PVALEF: variants seen among roughly 807,000 people sequenced by gnomAD.
PVALEF encodes the protein parvalbumin like EF-hand containing, also known as parvalbumin-like EF-hand-containing protein.
PVALEF carries 2 observed loss-of-function variants against 1.2 expected under a neutral mutation model. The ratio of observed to expected loss-of-function variants is 1.68; its 90% CI spans 0.69 to 5.28. The LOEUF is 5.28. Ranked by LOEUF, PVALEF falls within the 30% of genes most tolerant of loss-of-function variation. The probability of loss-of-function intolerance (pLI) is 0.06; values close to 1 mark genes in which losing one functional copy is unlikely to be tolerated. For synonymous variants in PVALEF, 16 were observed against 6.5 expected, an observed-to-expected ratio of 2.47 and a Z score of -2.24; for missense variants, 35 against 17.7, an observed-to-expected ratio of 1.97 and a Z score of -1.75.
At chr17:81,166,051 C>T (rs2061487063) in intron 1 of PVALEF, 3 of 1,244,766 alleles carry the variant, frequency 2.4e-6, no homozygotes, top group South Asian at 2.5e-5. Flanking sequence ...ACGCCCGCGG[C>T]CCCGGCCCGA....
chr17:81,181,847 G>C, intron 5 of PVALEF, 119 bp from the exon 6 acceptor site: 1 of 397,992 alleles, frequency 2.5e-6, no homozygotes, highest in East Asian at 3.6e-5. Context: ...AGGAGGCTCA[G>C]AGGCCCAGGC....
chr17:81,178,177 C>T (rs2061541675), intron 2 of PVALEF, among the ~76,000 whole-genome samples: 1 of 152,218 alleles, frequency 6.6e-6, no homozygotes, highest in Non-Finnish European at 1.5e-5. Context: ...TGTCACATAT[C>T]ATGACCGTCA....
intron 1 of PVALEF, 126 bp from the exon 2 acceptor site, chr17:81,166,551 C>T: frequency 1.0e-5 from 2 of 196,124 alleles, no homozygotes; most frequent in South Asian, 2.7e-5. Context: ...TGAGTGGGTA[C>T]GGAGGGAACG....
chr17:81,181,456 G>A (rs547889989), intron 4 of PVALEF, 103 bp from the exon 5 acceptor site: 31 of 515,614 alleles, frequency 6.0e-5, no homozygotes, highest in Admixed American at 1.5e-4. Flanking sequence ...GCGGGGACAT[G>A]GGGGTGCAGG....
chr17:81,180,107 T>C (rs1362425413), intron 3 of PVALEF, among the ~76,000 whole-genome samples: 1 of 152,134 alleles, frequency 6.6e-6, no homozygotes, highest in Non-Finnish European at 1.5e-5. Context: ...CCTCCCACCC[T>C]GTCTCCAGCC....
At chr17:81,176,680 G>A (rs1437480771) in intron 2 of PVALEF, among the ~76,000 whole-genome samples, 2 of 151,726 alleles carry the variant, frequency 1.3e-5, no homozygotes, top group Non-Finnish European at 2.9e-5. Flanking sequence ...AAACAGTGCA[G>A]CTGCCGTGGA....
intron 2 of PVALEF, among the ~76,000 whole-genome samples, chr17:81,169,654 G>A (rs1305974729): frequency 6.6e-6 from 1 of 152,130 alleles, no homozygotes; most frequent in Non-Finnish European, 1.5e-5. Flanking sequence ...GCCTCTTCCG[G>A]CTACTGGTGG....
chr17:81,178,086 T>C (rs2146449054), intron 2 of PVALEF, among the ~76,000 whole-genome samples: 1 of 152,284 alleles, frequency 6.6e-6, no homozygotes, highest in South Asian at 2.1e-4. Context: ...AGGAGGATAA[T>C]GCAGCCTCCC....
At chr17:81,175,652 T>C (rs1208364625) in intron 2 of PVALEF, among the ~76,000 whole-genome samples, 1 of 152,190 alleles carries the variant, frequency 6.6e-6, no homozygotes, top group Non-Finnish European at 1.5e-5. Flanking sequence ...GGTCAAACGA[T>C]TGTTGACAAG....
At chr17:81,172,719 G>A (rs922716209) in intron 2 of PVALEF, among the ~76,000 whole-genome samples, 5 of 152,070 alleles carry the variant, frequency 3.3e-5, no homozygotes, top group African/African-American at 4.8e-5. Flanking sequence ...AGCCGAGACC[G>A]CGACACTGCA....
intron 2 of PVALEF, among the ~76,000 whole-genome samples, chr17:81,171,360 G>A (rs539880743): frequency 2.6e-4 from 39 of 152,208 alleles, no homozygotes; most frequent in Non-Finnish European, 4.3e-4. Context: ...GAGATCCCAC[G>A]CCAGGCTCCC....
chr17:81,178,613 C>T (rs2061543143), intron 2 of PVALEF, among the ~76,000 whole-genome samples: 1 of 152,142 alleles, frequency 6.6e-6, no homozygotes, highest in African/African-American at 2.4e-5. Context: ...CCGCAGCACC[C>T]ACTCGGCTGC....
chr17:81,178,127 G>A (rs1338848548), intron 2 of PVALEF, among the ~76,000 whole-genome samples: 3 of 152,144 alleles, frequency 2.0e-5, no homozygotes, highest in Non-Finnish European at 2.9e-5. Flanking sequence ...CTGGGGCCCC[G>A]CCAATGGCAG....
chr17:81,170,176 GGTGT>G (rs759984217), intron 2 of PVALEF, among the ~76,000 whole-genome samples: 5 of 150,290 alleles, frequency 3.3e-5, no homozygotes, highest in African/African-American at 9.8e-5. Flanking sequence ...TGCATGTGTA[GGTGT>G]GTGTGCATGT....
At chr17:81,179,564 C>G (rs2061546747) in intron 3 of PVALEF, among the ~76,000 whole-genome samples, 1 of 152,132 alleles carries the variant, frequency 6.6e-6, no homozygotes, top group African/African-American at 2.4e-5. Flanking sequence ...GGCAGGGCAG[C>G]GAGTCCAAGG....
intron 2 of PVALEF, 32 bp from the exon 3 acceptor site, chr17:81,178,886 G>T (rs922525859): frequency 8.5e-6 from 2 of 235,096 alleles, no homozygotes; most frequent in Admixed American, 1.1e-4. Flanking sequence ...TGGCTCACTG[G>T]TGCCCTCTCT....
At chr17:81,171,444 G>T (rs11651836) in intron 2 of PVALEF, among the ~76,000 whole-genome samples, 35,199 of 152,148 alleles carry the variant, frequency 0.23, 4,503 homozygotes, top group Non-Finnish European at 0.28. Context: ...GCTTCCAGAC[G>T]CTGGTTTCTT....
intron 2 of PVALEF, among the ~76,000 whole-genome samples, chr17:81,172,544 G>A (rs113341262): frequency 0.012 from 1,890 of 152,260 alleles, 35 homozygotes; most frequent in African/African-American, 0.043. Context: ...TTGGGAGGCC[G>A]AGGCAGGAGG....
rs2061560117 is a variant in PVALEF at position 81,183,051 on chromosome 17, G to A, written c.*40G>A. The stretch of plus-strand genomic sequence containing the variant: ...CTGGCCAGCCAAGGGGCTCCCATGG[G>A]GTAACCGGGGTGACCACGCACCTGG... On this transcript the variant is annotated 3_prime_UTR_variant, in exon 7 of 7. Transcript: ENST00000637878. The A allele has an allele frequency of 2.5e-6, 1 of 398,706 alleles. No individual in the cohort carries two copies. Among genetic ancestry groups the A allele is most frequent in the Non-Finnish European group, 4.4e-6 (1 of 226,084 alleles). The allele number at this position is 398,706 out of a possible 1,614,324, so 24.7% of individuals were successfully genotyped here. A position where few individuals can be genotyped will look rare whatever the true frequency, so the allele number is the denominator to read the frequency against.
Sources: allele counts gnomAD v4.1 joint callset (sites outside exome capture counted in the v4.1 genomes callset), GRCh38; gene constraint gnomAD v4.1.1; transcripts MANE v1.5; gene names NCBI Gene and HGNC (gene_info 2026-07-23, HGNC 2026-07-21).